THADA: variants seen among roughly 807,000 people sequenced by gnomAD.
The protein encoded by THADA is tRNA (32-2'-O)-methyltransferase regulator THADA.
Under a neutral mutation model 219.8 loss-of-function variants are expected in THADA, and 213 were observed. The ratio of observed to expected loss-of-function variants is 0.97; its 90% CI spans 0.87 to 1.09. The LOEUF is 1.09. Among genes scored for constraint, THADA ranks in the 50% least tolerant of loss-of-function variants. The probability of loss-of-function intolerance (pLI) is 0.00; values close to 1 mark genes in which losing one functional copy is unlikely to be tolerated. For missense variants in THADA, 2,956 were observed against 2,311.3 expected, an observed-to-expected ratio of 1.28 and a Z score of -5.72; for synonymous variants, 1,018 against 828.9, an observed-to-expected ratio of 1.23 and a Z score of -3.92.
Position 43,541,189 on chromosome 2 carries a change from T to C in THADA, c.3234A>G (p.Glu1078=). 6.3e-7 allele frequency: 1 copy of C among 1,599,794 alleles called. No homozygotes were observed. The highest frequency in any genetic ancestry group is 8.5e-7 in the Non-Finnish European group (1 of 1,175,298). The change falls in exon 21 of 38, where the codon GAA becomes GAG. Residue 1078 remains glutamate, a synonymous_variant. Coordinates refer to ENST00000405975, the MANE Select transcript of THADA (RefSeq NM_022065.5). ...CCACCGTCAATAATCCATCAGAAGA[T>C]TCTGGCACAGGCTGCATGGGCAGAA... The part of the protein sequence containing the change: ...CQLLPMQPVP[E]SSDGLLTVEQ...
chr2:43,462,745 G>A (rs757402198), intron 26 of THADA, among the ~76,000 whole-genome samples: 1 of 152,034 alleles, frequency 6.6e-6, no homozygotes, highest in Non-Finnish European at 1.5e-5. Context: ...TTGGCTTTCC[G>A]TTCTCCCTCA....
intron 26 of THADA, among the ~76,000 whole-genome samples, chr2:43,430,926 G>C (rs1380241872): frequency 6.6e-6 from 1 of 152,214 alleles, no homozygotes; most frequent in Non-Finnish European, 1.5e-5. Context: ...GTATGGTTAT[G>C]AGAAGTACAG....
chr2:43,558,369 G>A (rs1032306930), intron 16 of THADA, among the ~76,000 whole-genome samples: 1 of 152,204 alleles, frequency 6.6e-6, no homozygotes, highest in Non-Finnish European at 1.5e-5. Flanking sequence ...ATATAATATT[G>A]TGATGGTTAA....
intron 29 of THADA, among the ~76,000 whole-genome samples, chr2:43,350,745 C>T (rs1213591399): frequency 1.3e-5 from 2 of 152,186 alleles, no homozygotes; most frequent in African/African-American, 4.8e-5. Context: ...CACCAATCTG[C>T]TAGAGGGCCA....
intron 31 of THADA, among the ~76,000 whole-genome samples, chr2:43,296,848 C>G (rs1013119061): frequency 6.7e-6 from 1 of 149,084 alleles, no homozygotes; most frequent in Non-Finnish European, 1.5e-5. Flanking sequence ...AACGGCCGCC[C>G]GGGAGGCAGC....
At chr2:43,562,803 G>C (rs1308625464) in intron 15 of THADA, 2 of 152,056 alleles carry the variant, frequency 1.3e-5, no homozygotes, top group Non-Finnish European at 2.9e-5. Flanking sequence ...GTCACTAATT[G>C]TCATGTTTCT....
chr2:43,332,842 A>C (rs1408407241), intron 30 of THADA, among the ~76,000 whole-genome samples: 2 of 152,200 alleles, frequency 1.3e-5, no homozygotes, highest in African/African-American at 2.4e-5. Flanking sequence ...GCAGATTTCT[A>C]TATTTAAAAA....
chr2:43,389,310 T>C (rs1023304830), intron 29 of THADA, among the ~76,000 whole-genome samples: 2 of 152,208 alleles, frequency 1.3e-5, no homozygotes, highest in African/African-American at 4.8e-5. Flanking sequence ...ATTAATACAT[T>C]ATGTACATTA....
chr2:43,345,628 C>T (rs1667553485), intron 29 of THADA, among the ~76,000 whole-genome samples: 1 of 152,088 alleles, frequency 6.6e-6, no homozygotes, highest in Non-Finnish European at 1.5e-5. Context: ...GTGGTGACTG[C>T]CAGAGGGAAA....
intron 30 of THADA, among the ~76,000 whole-genome samples, chr2:43,322,674 C>CT (rs34557514): frequency 0.25 from 13,546 of 54,494 alleles, 5,719 homozygotes; most frequent in Non-Finnish European, 0.32. Flanking sequence ...ACATTCTATT[C>CT]TTTTTTTTTT....
At chr2:43,359,583 G>A (rs1669262900) in intron 29 of THADA, among the ~76,000 whole-genome samples, 1 of 152,224 alleles carries the variant, frequency 6.6e-6, no homozygotes, top group Non-Finnish European at 1.5e-5. Flanking sequence ...GAGAGGCTGA[G>A]GCAGAAGAAT....
At chr2:43,268,343 C>G (rs539396178) in intron 36 of THADA, among the ~76,000 whole-genome samples, 1 of 152,176 alleles carries the variant, frequency 6.6e-6, no homozygotes, top group African/African-American at 2.4e-5. Context: ...AACAGACACT[C>G]TGAAAGGTGC....
chr2:43,392,114 GC>G (rs1440032766), intron 29 of THADA, among the ~76,000 whole-genome samples: 1 of 152,120 alleles, frequency 6.6e-6, no homozygotes, highest in Admixed American at 6.5e-5. Context: ...ATCTTAGGTC[GC>G]CAAATGGAAT....
chr2:43,296,850 G>C (rs558216383), intron 31 of THADA, among the ~76,000 whole-genome samples: 1 of 149,110 alleles, frequency 6.7e-6, no homozygotes, highest in African/African-American at 2.5e-5. Context: ...CGGCCGCCCG[G>C]GAGGCAGCGG....
At chr2:43,478,151 C>T (rs1685763157) in intron 26 of THADA, among the ~76,000 whole-genome samples, 1 of 152,016 alleles carries the variant, frequency 6.6e-6, no homozygotes. Context: ...TTTGTATATA[C>T]CAGGATGCCA....
chr2:43,534,532 G>C (rs984706900), intron 21 of THADA, among the ~76,000 whole-genome samples: 4 of 151,506 alleles, frequency 2.6e-5, no homozygotes, highest in Non-Finnish European at 2.9e-5. Context: ...TTTTTACTTC[G>C]AGTTCAACTT....
intron 3 of THADA, among the ~76,000 whole-genome samples, chr2:43,591,602 T>C (rs1643209250): frequency 6.6e-6 from 1 of 152,144 alleles, no homozygotes; most frequent in African/African-American, 2.4e-5. Flanking sequence ...ATCCTAATAC[T>C]GAAATACTAA....
Position 43,574,904 on chromosome 2 carries a change from A to G in THADA, c.1161T>C (p.Ser387=), listed in dbSNP as rs536376242. The G allele has an allele frequency of 5.6e-6, 9 of 1,613,968 alleles. No homozygotes were observed. In the East Asian group the frequency reaches 1.8e-4, roughly 32 times the overall value. The change falls in exon 11 of 38, where the codon AGT becomes AGC. Residue 387 remains serine (S), a synonymous_variant. Coordinates refer to ENST00000405975, the MANE Select transcript of THADA (RefSeq NM_022065.5). Reference sequence around the variant, plus strand: ...CATATTCCAAAAGTCTCCCAACTATACTTGAATTCCCATTCAGGCTGTCCG... The same window carrying G: ...CATATTCCAAAAGTCTCCCAACTATGCTTGAATTCCCATTCAGGCTGTCCG... The part of the protein sequence containing the change: ...SLTDSLNGNS[S]IVGRLLEYVY...
At chr2:43,364,789 T>C (rs1669937876) in intron 29 of THADA, among the ~76,000 whole-genome samples, 1 of 152,096 alleles carries the variant, frequency 6.6e-6, no homozygotes. Flanking sequence ...GGAAGGTCCA[T>C]GGAGTTAGAG....
Sources: gnomAD v4.1 joint callset for allele counts (sites outside exome capture counted in the v4.1 genomes callset) on GRCh38, gnomAD v4.1.1 for gene constraint, MANE v1.5 for transcripts, NCBI Gene and HGNC (gene_info 2026-07-23, HGNC 2026-07-21) for gene names.